SELENOF: variants seen among roughly 807,000 people sequenced by gnomAD.
SELENOF encodes the protein selenoprotein F, also known as 15 kDa selenoprotein.
A neutral mutation model predicts 20.5 loss-of-function variants in SELENOF; 16 were observed. That is an observed-to-expected ratio of 0.78 (90% CI 0.53 to 1.19). The LOEUF (loss-of-function observed/expected upper bound fraction) is 1.19. Ranked by LOEUF, SELENOF falls within the 50% of genes most tolerant of loss-of-function variation. The pLI is 0.00. For missense variants in SELENOF, 215 were observed against 194.2 expected, an observed-to-expected ratio of 1.11 and a Z score of -0.64; for synonymous variants, 78 against 74.5, an observed-to-expected ratio of 1.05 and a Z score of -0.24.
intron 2 of SELENOF, among the ~76,000 whole-genome samples, chr1:86,891,897 G>A (rs1318511581): frequency 1.3e-5 from 2 of 151,472 alleles, no homozygotes; most frequent in Non-Finnish European, 2.9e-5. Context: ...GAATGTTAGT[G>A]GTTATTATTA....
At chr1:86,868,643 G>T (rs1200030431) in intron 3 of SELENOF, among the ~76,000 whole-genome samples, 1 of 151,860 alleles carries the variant, frequency 6.6e-6, no homozygotes, top group Non-Finnish European at 1.5e-5. Flanking sequence ...TCTGAGAAAG[G>T]TGCCAAACTG....
At chr1:86,891,288 A>G (rs1422804163) in intron 2 of SELENOF, among the ~76,000 whole-genome samples, 1 of 151,940 alleles carries the variant, frequency 6.6e-6, no homozygotes, top group African/African-American at 2.4e-5. Flanking sequence ...ACCTCAGGTG[A>G]TCTGCCTACC....
intron 3 of SELENOF, among the ~76,000 whole-genome samples, chr1:86,873,852 CAA>C (rs56407738): frequency 0.12 from 15,129 of 131,536 alleles, 1,140 homozygotes; most frequent in African/African-American, 0.23. Flanking sequence ...AACTCCGTCT[CAA>C]AAAAAAAAAA....
At chr1:86,901,987 T>C (rs1354912642) in intron 2 of SELENOF, among the ~76,000 whole-genome samples, 7 of 152,136 alleles carry the variant, frequency 4.6e-5, no homozygotes, top group South Asian at 2.1e-4. Flanking sequence ...AGGATGTTGG[T>C]TGAGTAGTAG....
intron 1 of SELENOF, 155 bp downstream of exon 1, chr1:86,913,873 C>T (rs1429433880): frequency 1.5e-6 from 1 of 676,710 alleles, no homozygotes; most frequent in Non-Finnish European, 2.6e-6. Context: ...GAAGGATCAA[C>T]CGAGAAATTA....
At chr1:86,874,877 T>C (rs182654132) in intron 3 of SELENOF, among the ~76,000 whole-genome samples, 29 of 152,270 alleles carry the variant, frequency 1.9e-4, no homozygotes, top group East Asian at 7.7e-4. Flanking sequence ...ATGGCAACAA[T>C]AGACAACCTA....
At chr1:86,899,200 C>T (rs1053815532) in intron 2 of SELENOF, among the ~76,000 whole-genome samples, 2 of 151,486 alleles carry the variant, frequency 1.3e-5, no homozygotes, top group East Asian at 1.9e-4. Context: ...CACACAGACA[C>T]GGCAACCATC....
At chr1:86,909,140 AT>A (rs1659909365) in intron 1 of SELENOF, among the ~76,000 whole-genome samples, 1 of 152,184 alleles carries the variant, frequency 6.6e-6, no homozygotes, top group African/African-American at 2.4e-5. Flanking sequence ...TTTAATTCCT[AT>A]GGAAGTTTCC....
Position 86,913,963 on chromosome 1 carries a change from C to A in SELENOF, c.84+65G>T, listed in dbSNP as rs1660062162. The A allele has an allele frequency of 3.5e-6, 5 of 1,443,574 alleles. No individual in the cohort carries two copies. The East Asian group carries it at 9.1e-5, about 26-fold the overall frequency. 89.4% of individuals were successfully genotyped at this position (1,443,574 alleles called of 1,614,324 possible). On this transcript the variant is annotated intron_variant, in intron 1 of 4. Transcript: ENST00000331835. ...CCTTTTCAACCAGGACCGAATGTTGCGTCTTTCTCAGCTGCAATCACTCCT... is the reference window on the plus strand; with the variant it reads ...CCTTTTCAACCAGGACCGAATGTTGAGTCTTTCTCAGCTGCAATCACTCCT...
intron 3 of SELENOF, among the ~76,000 whole-genome samples, chr1:86,869,844 G>A (rs1658713004): frequency 6.6e-6 from 1 of 151,802 alleles, no homozygotes; most frequent in Non-Finnish European, 1.5e-5. Flanking sequence ...GCGCAATCTC[G>A]GCTCACTGCA....
At chr1:86,905,860 GAT>G (rs1157431067) in intron 1 of SELENOF, among the ~76,000 whole-genome samples, 2 of 141,416 alleles carry the variant, frequency 1.4e-5, no homozygotes, top group African/African-American at 5.9e-5. Flanking sequence ...ACTAGTCACA[GAT>G]AACACATGAA....
chr1:86,892,561 C>T (rs1659417264), intron 2 of SELENOF, among the ~76,000 whole-genome samples: 1 of 152,212 alleles, frequency 6.6e-6, no homozygotes, highest in African/African-American at 2.4e-5. Flanking sequence ...CTCTTTCTGA[C>T]AGCCTGAAGC....
chr1:86,874,770 C>A (rs989320025), intron 3 of SELENOF, among the ~76,000 whole-genome samples: 2 of 152,022 alleles, frequency 1.3e-5, no homozygotes, highest in Admixed American at 1.3e-4. Context: ...TATACTCGGA[C>A]AAAATATAAT....
At chr1:86,873,445 C>T (rs1253547651) in intron 3 of SELENOF, among the ~76,000 whole-genome samples, 1 of 152,188 alleles carries the variant, frequency 6.6e-6, no homozygotes, top group Non-Finnish European at 1.5e-5. Context: ...TCTAATAGAA[C>T]TTTCTGAGAT....
chr1:86,881,060 CT>C (rs1472887785), intron 2 of SELENOF, among the ~76,000 whole-genome samples: 3 of 151,730 alleles, frequency 2.0e-5, no homozygotes, highest in Admixed American at 6.6e-5. Context: ...GGTTTCCTAC[CT>C]TTTTTTTAGG....
chr1:86,876,515 G>A (rs891731592), intron 3 of SELENOF, among the ~76,000 whole-genome samples: 3 of 152,130 alleles, frequency 2.0e-5, no homozygotes, highest in Non-Finnish European at 2.9e-5. Context: ...ATTCTTATAT[G>A]TATATTGGTT....
intron 2 of SELENOF, among the ~76,000 whole-genome samples, chr1:86,899,244 T>C (rs1412453650): frequency 1.3e-5 from 2 of 151,396 alleles, no homozygotes; most frequent in Non-Finnish European, 2.9e-5. Context: ...CTTTCCCCGC[T>C]TTCTATTCCA....
chr1:86,870,531 A>G (rs1376845481), intron 3 of SELENOF, among the ~76,000 whole-genome samples: 3 of 152,254 alleles, frequency 2.0e-5, no homozygotes, highest in African/African-American at 7.2e-5. Context: ...ACTACATACG[A>G]AACCTTCTGG....
At chr1:86,875,240 C>T (rs779233628) in intron 3 of SELENOF, among the ~76,000 whole-genome samples, 24 of 123,414 alleles carry the variant, frequency 1.9e-4, no homozygotes, top group Non-Finnish European at 2.6e-4. Context: ...GACTCCGTCT[C>T]GAAAAAAAAA....
Sources: gnomAD v4.1 joint callset for allele counts (sites outside exome capture counted in the v4.1 genomes callset) on GRCh38, gnomAD v4.1.1 for gene constraint, MANE v1.5 for transcripts, NCBI Gene and HGNC (gene_info 2026-07-23, HGNC 2026-07-21) for gene names.